ANKS1B: variants seen among roughly 807,000 people sequenced by gnomAD.
ANKS1B encodes the protein ankyrin repeat and sterile alpha motif domain containing 1B, also known as ankyrin repeat and sterile alpha motif domain-containing protein 1B.
ANKS1B carries 36 observed loss-of-function variants against 148.3 expected under a neutral mutation model. The ratio of observed to expected loss-of-function variants is 0.24; its 90% CI spans 0.19 to 0.32. The LOEUF (loss-of-function observed/expected upper bound fraction) is 0.32, where lower values mean the gene tolerates loss of function less well. Ranked by LOEUF, ANKS1B falls within the 10% of genes least tolerant of loss-of-function variation. ANKS1B has a pLI of 1.00. For synonymous variants in ANKS1B, 542 were observed against 560.8 expected, an observed-to-expected ratio of 0.97 and a Z score of 0.47; for missense variants, 1,157 against 1,542.6, an observed-to-expected ratio of 0.75 and a Z score of 4.19.
chr12:99,611,436 C>A (rs2097901790), intron 9 of ANKS1B, among the ~76,000 whole-genome samples: 1 of 152,050 alleles, frequency 6.6e-6, no homozygotes. Context: ...TTTAAGCACA[C>A]AATAATATAC....
intron 8 of ANKS1B, among the ~76,000 whole-genome samples, chr12:99,657,721 T>C (rs1383050346): frequency 1.3e-5 from 2 of 150,988 alleles, no homozygotes; most frequent in African/African-American, 4.9e-5. Flanking sequence ...TACCAGCTCA[T>C]GATCAGCTAA....
intron 17 of ANKS1B, among the ~76,000 whole-genome samples, chr12:98,972,055 C>A (rs1034173084): frequency 3.9e-5 from 6 of 152,158 alleles, no homozygotes; most frequent in African/African-American, 1.4e-4. Context: ...GTAAGCCCAG[C>A]TACTAGGGAG....
chr12:99,612,872 A>G (rs1420559397), intron 9 of ANKS1B, among the ~76,000 whole-genome samples: 1 of 152,130 alleles, frequency 6.6e-6, no homozygotes, highest in Non-Finnish European at 1.5e-5. Flanking sequence ...TAAAGCATAC[A>G]GGACAAAGAG....
rs75060302 is a variant in ANKS1B at position 99,069,704 on chromosome 12, G to A, written c.2625+15221C>T. On this transcript the variant is annotated intron_variant, in intron 16 of 26. Transcript: ENST00000683438. ...GAATCTTGCAGTTTCTTGGGTACTC[G>A]TTTCCTTTGATAAGGGCAGTAGTTA... 7.0e-3 allele frequency among the ~76,000 whole-genome samples: 1,062 copies of A among 152,242 alleles called. 13 individuals carry two copies. Among genetic ancestry groups the A allele is most frequent in the South Asian group, 0.045 (219 of 4,822 alleles).
In ANKS1B at chr12:99,445,793, C is replaced by T. The variant is rs186482919; in HGVS notation, c.1439-1984G>A. On this transcript the variant is annotated intron_variant, in intron 10 of 26. Coordinates refer to ENST00000683438, the MANE Select transcript of ANKS1B (RefSeq NM_001352186.2). ...CTGGAGTGCAGTAGCATGAACACAG[C>T]TCACTACAGCCTCAACTTCCCAGGC... Among the ~76,000 whole-genome samples the T allele has an allele frequency of 4.2e-3, 637 of 152,092 alleles. 3 individuals carry two copies. The highest frequency in any genetic ancestry group is 6.4e-3 in the Non-Finnish European group (434 of 67,954).
chr12:99,845,682 CT>C (rs1328763846), intron 1 of ANKS1B, among the ~76,000 whole-genome samples: 1 of 151,978 alleles, frequency 6.6e-6, no homozygotes, highest in African/African-American at 2.4e-5. Flanking sequence ...CTGAAGTTTT[CT>C]TTTTTTGTTG....
intron 9 of ANKS1B, among the ~76,000 whole-genome samples, chr12:99,597,101 C>T (rs963036145): frequency 6.6e-6 from 1 of 151,858 alleles, no homozygotes; most frequent in Non-Finnish European, 1.5e-5. Context: ...CTAATATTGT[C>T]CATCTTTATT....
intron 9 of ANKS1B, among the ~76,000 whole-genome samples, chr12:99,511,872 G>A (rs2096769610): frequency 6.6e-6 from 1 of 151,834 alleles, no homozygotes; most frequent in Non-Finnish European, 1.5e-5. Flanking sequence ...GCAGGAAATT[G>A]AAACTGGACC....
At chr12:99,413,927 C>T (rs994538349) in intron 11 of ANKS1B, among the ~76,000 whole-genome samples, 2 of 151,998 alleles carry the variant, frequency 1.3e-5, no homozygotes, top group African/African-American at 4.8e-5. Flanking sequence ...GCACCACCCT[C>T]GCCCACACAC....
At chr12:99,101,153 G>A (rs956259060) in intron 15 of ANKS1B, among the ~76,000 whole-genome samples, 7 of 152,166 alleles carry the variant, frequency 4.6e-5, no homozygotes, top group Non-Finnish European at 8.8e-5. Flanking sequence ...CCTTGTAAGC[G>A]ATGATGTGAA....
chr12:99,610,977 T>C (rs542973597), intron 9 of ANKS1B, among the ~76,000 whole-genome samples: 28 of 152,052 alleles, frequency 1.8e-4, no homozygotes, highest in Non-Finnish European at 3.5e-4. Flanking sequence ...AAAAACACTG[T>C]CACTGCCAAA....
chr12:99,295,734 T>C (rs1832934324), intron 12 of ANKS1B, among the ~76,000 whole-genome samples: 1 of 152,158 alleles, frequency 6.6e-6, no homozygotes, highest in Non-Finnish European at 1.5e-5. Context: ...ACATTAGTTA[T>C]TTTTCCTGAT....
intron 1 of ANKS1B, among the ~76,000 whole-genome samples, chr12:99,881,343 T>C (rs960374954): frequency 6.6e-6 from 1 of 152,194 alleles, no homozygotes; most frequent in Non-Finnish European, 1.5e-5. Context: ...GCAGCAACAA[T>C]GGCAAGCAAT....
intron 3 of ANKS1B, among the ~76,000 whole-genome samples, chr12:99,810,753 T>C (rs1324615188): frequency 6.6e-6 from 1 of 152,036 alleles, no homozygotes; most frequent in Non-Finnish European, 1.5e-5. Flanking sequence ...TACTATATGT[T>C]ATTTCTTATT....
At chr12:99,170,654 C>A (rs904855822) in intron 14 of ANKS1B, among the ~76,000 whole-genome samples, 2 of 152,104 alleles carry the variant, frequency 1.3e-5, no homozygotes, top group Non-Finnish European at 2.9e-5. Flanking sequence ...CTCTTTGTTT[C>A]CAACAGACAA....
intron 17 of ANKS1B, among the ~76,000 whole-genome samples, chr12:98,835,841 C>G (rs987139284): frequency 6.6e-6 from 1 of 152,150 alleles, no homozygotes; most frequent in South Asian, 2.1e-4. Context: ...CAGAAATGAG[C>G]CCCCATCACT....
intron 12 of ANKS1B, among the ~76,000 whole-genome samples, chr12:99,354,555 A>G (rs554726433): frequency 7.4e-4 from 113 of 152,192 alleles, no homozygotes; most frequent in African/African-American, 2.5e-3. Flanking sequence ...GGAATCATTT[A>G]TCTATTATTT....
At chr12:99,384,013 A>G (rs983995542) in intron 12 of ANKS1B, among the ~76,000 whole-genome samples, 9 of 152,246 alleles carry the variant, frequency 5.9e-5, no homozygotes, top group Admixed American at 5.9e-4. Flanking sequence ...TGGGCAACAC[A>G]GTGAGACCCT....
intron 1 of ANKS1B, among the ~76,000 whole-genome samples, chr12:99,973,146 T>A (rs890258441): frequency 6.6e-6 from 1 of 152,252 alleles, no homozygotes; most frequent in African/African-American, 2.4e-5. Context: ...AGACTAGTGT[T>A]GTTTCCATGC....
Sources: allele counts gnomAD v4.1 joint callset (sites outside exome capture counted in the v4.1 genomes callset), GRCh38; gene constraint gnomAD v4.1.1; transcripts MANE v1.5; gene names NCBI Gene and HGNC (gene_info 2026-07-23, HGNC 2026-07-21).